The following ALK variants were observed in gnomAD, a reference collection of about 807,000 sequenced individuals.
ALK encodes ALK receptor tyrosine kinase, also known as ALK tyrosine kinase receptor.
Under a neutral mutation model 163.1 loss-of-function variants are expected in ALK, and 74 were observed. That is an observed-to-expected ratio of 0.45 (90% CI 0.38 to 0.55). ALK has a LOEUF of 0.55. ALK is among the 20% of genes least tolerant of loss of function. The probability of loss-of-function intolerance (pLI) is 0.00; values close to 1 mark genes in which losing one functional copy is unlikely to be tolerated. For synonymous variants in ALK, 960 were observed against 843.2 expected (o/e 1.14, Z -2.40); for missense variants, 2,063 against 2,105.3 (o/e 0.98, Z 0.39).
rs1166391693 is a variant in ALK, at chr2:29,227,803, C to T, written c.2816-131G>A. 27 of 712,656 alleles carry T rather than the reference C, an allele frequency of 3.8e-5. No individual in the cohort carries two copies. Among genetic ancestry groups the T allele is most frequent in the Non-Finnish European group, 4.8e-5 (19 of 398,648 alleles). The allele number at this position is 712,656 out of a possible 1,614,324, so 44.1% of individuals were successfully genotyped here. ...ACTGGGGACCTCAGGGGCAGGGATGCGGGGAGGGAAGGGAGGCTCAGGGCA... is the reference window on the plus strand; with the variant it reads ...ACTGGGGACCTCAGGGGCAGGGATGTGGGGAGGGAAGGGAGGCTCAGGGCA... On this transcript the variant is annotated intron_variant, in intron 16 of 28. Transcript: ENST00000389048. The surrounding 1 kb of genome is among the most constrained non-coding windows in gnomAD (Gnocchi z 4.4).
intron 4 of ALK, among the ~76,000 whole-genome samples, chr2:29,507,816 G>A (rs2148137194): frequency 6.6e-6 from 1 of 152,224 alleles, no homozygotes; most frequent in East Asian, 1.9e-4. Context: ...GTACAGAGAG[G>A]GGCCATGATG....
At chr2:29,632,092 G>C (rs1676394878) in intron 3 of ALK, among the ~76,000 whole-genome samples, 1 of 152,212 alleles carries the variant, frequency 6.6e-6, no homozygotes, top group Non-Finnish European at 1.5e-5. Context: ...TTAGGGTTGG[G>C]TCATGTAGAA....
chr2:29,673,346 A>G (rs1185528866), intron 3 of ALK, among the ~76,000 whole-genome samples: 2 of 125,474 alleles, frequency 1.6e-5, no homozygotes, highest in Non-Finnish European at 3.3e-5. Context: ...TCTTGAATTG[A>G]TTTTTGTATA....
At chr2:29,524,813 T>A (rs1472331842) in intron 4 of ALK, among the ~76,000 whole-genome samples, 2 of 151,578 alleles carry the variant, frequency 1.3e-5, no homozygotes, top group Non-Finnish European at 2.9e-5. Flanking sequence ...GATGGATGGA[T>A]GGATGGATGG....
chr2:29,277,437 G>A (rs953341031), intron 9 of ALK, among the ~76,000 whole-genome samples: 4 of 152,212 alleles, frequency 2.6e-5, no homozygotes, highest in African/African-American at 7.2e-5. Flanking sequence ...AACTGTGATC[G>A]ATTATGCTTA....
intron 1 of ALK, among the ~76,000 whole-genome samples, chr2:29,823,861 T>C (rs943477383): frequency 6.6e-6 from 1 of 152,210 alleles, no homozygotes; most frequent in African/African-American, 2.4e-5. Flanking sequence ...TGTAGAAATT[T>C]GCATAAGTAA....
At chr2:29,792,974 T>C (rs1159257494) in intron 1 of ALK, among the ~76,000 whole-genome samples, 1 of 152,192 alleles carries the variant, frequency 6.6e-6, no homozygotes, top group African/African-American at 2.4e-5. Context: ...TTGCATCCAT[T>C]GACTCTTCCT....
chr2:29,690,973 C>A (rs1678377983), intron 3 of ALK, among the ~76,000 whole-genome samples: 1 of 152,172 alleles, frequency 6.6e-6, no homozygotes, highest in South Asian at 2.1e-4. Context: ...GAAACTGAGA[C>A]TCTAAAGCTC....
At chr2:29,665,849 A>C (rs1055365708) in intron 3 of ALK, among the ~76,000 whole-genome samples, 2 of 152,102 alleles carry the variant, frequency 1.3e-5, no homozygotes, top group African/African-American at 2.4e-5. Flanking sequence ...ATTAAAGCAC[A>C]CAGATAAGAT....
At chr2:29,646,554 G>A (rs969375987) in intron 3 of ALK, among the ~76,000 whole-genome samples, 1 of 152,038 alleles carries the variant, frequency 6.6e-6, no homozygotes, top group East Asian at 1.9e-4. Flanking sequence ...CTTACAGCCT[G>A]CCCTGAAGCC....
intron 1 of ALK, among the ~76,000 whole-genome samples, chr2:29,845,222 A>C (rs1167691255): frequency 6.6e-6 from 1 of 152,198 alleles, no homozygotes; most frequent in Non-Finnish European, 1.5e-5. Context: ...ACAAGTGCTG[A>C]ATCACAGATG....
Position 29,220,888 on chromosome 2 carries a change from A to G in ALK, c.3516-53T>C, listed in dbSNP as rs1266368924. 11 of 1,611,114 alleles carry G rather than the reference A, an allele frequency of 6.8e-6. No individual in the cohort carries two copies. The African/African-American group carries it at 8.0e-5, about 12-fold the overall frequency. The stretch of plus-strand genomic sequence containing the variant: ...AATTAACTGAGCTGAGTCTGGGCAA[A>G]TCTTAAACTGGGAGGAACAGGATAC... On this transcript the variant is annotated intron_variant, in intron 22 of 28. Coordinates refer to ENST00000389048, the MANE Select transcript of ALK (RefSeq NM_004304.5).
intron 1 of ALK, chr2:29,892,377 G>C (rs1667166751): frequency 1.3e-5 from 2 of 152,304 alleles, no homozygotes; most frequent in South Asian, 4.2e-4. Flanking sequence ...TAATAAAGTT[G>C]TTGGAAAGTA....
chr2:29,912,740 G>T (rs1478392051), intron 1 of ALK, among the ~76,000 whole-genome samples: 1 of 151,982 alleles, frequency 6.6e-6, no homozygotes, highest in Non-Finnish European at 1.5e-5. Flanking sequence ...GCAAGTTTAA[G>T]AGAGTTGTAG....
chr2:29,841,969 A>G (rs1180969009), intron 1 of ALK, among the ~76,000 whole-genome samples: 1 of 151,868 alleles, frequency 6.6e-6, no homozygotes, highest in African/African-American at 2.4e-5. Context: ...CTGAAAACTA[A>G]CGTTCCCTTC....
intron 3 of ALK, among the ~76,000 whole-genome samples, chr2:29,631,020 A>G (rs889209654): frequency 6.6e-6 from 1 of 152,242 alleles, no homozygotes; most frequent in African/African-American, 2.4e-5. Flanking sequence ...AAGCAAATTC[A>G]CAGATCTGTA....
In ALK at chr2:29,802,624, C is replaced by T. The variant is rs188497451; in HGVS notation, c.668-84927G>A. On this transcript the variant is annotated intron_variant, in intron 1 of 28. Transcript: ENST00000389048. ...GAGAAAACCCTCCAGAGCCAAATCC[C>T]AAATCTATATTCAGGGTATGATTAT... Among the ~76,000 whole-genome samples the T allele has an allele frequency of 6.5e-3, 933 of 144,578 alleles. 18 individuals carry two copies. The highest frequency in any genetic ancestry group is 6.5e-3 in the Non-Finnish European group (434 of 66,530). 94.8% of individuals were successfully genotyped at this position (144,578 alleles called of 152,430 possible).
chr2:29,913,455 G>A (rs1396981355), intron 1 of ALK, among the ~76,000 whole-genome samples: 2 of 152,166 alleles, frequency 1.3e-5, no homozygotes, highest in East Asian at 1.9e-4. Flanking sequence ...TCATCACAAG[G>A]TTAAGAAACA....
chr2:29,661,309 TCTAC>T (rs938601542), intron 3 of ALK, among the ~76,000 whole-genome samples: 26 of 152,276 alleles, frequency 1.7e-4, no homozygotes, highest in African/African-American at 6.3e-4. Flanking sequence ...GCTTCTCCTC[TCTAC>T]CTAGTTAGGG....
Sources: gnomAD v4.1 joint callset for allele counts (sites outside exome capture counted in the v4.1 genomes callset) on GRCh38, gnomAD v4.1.1 for gene constraint, Gnocchi (gnomAD v3.1) non-coding constraint, MANE v1.5 for transcripts, NCBI Gene and HGNC (gene_info 2026-07-23, HGNC 2026-07-21) for gene names.